Variants in KCNQ5 observed in about 807,000 individuals in gnomAD.
KCNQ5 encodes potassium voltage-gated channel subfamily Q member 5, also known as potassium voltage-gated channel subfamily KQT member 5.
In KCNQ5, 30 loss-of-function variants were observed where a neutral mutation model predicts 98.2. The observed-to-expected ratio is 0.31, with a 90% CI of 0.23 to 0.41. The LOEUF is 0.41. Ranked by LOEUF, KCNQ5 falls within the 10% of genes least tolerant of loss-of-function variation. KCNQ5 has a pLI of 1.00. For synonymous variants in KCNQ5, 458 were observed against 449.4 expected (o/e 1.02, Z -0.24); for missense variants, 835 against 1,182.5 (o/e 0.71, Z 4.31).
rs552722238 is a variant in KCNQ5 at position 72,878,057 on chromosome 6, G to A, written c.399-125851G>A. Among the ~76,000 whole-genome samples, 183 of 152,318 alleles carry A rather than the reference G, an allele frequency of 1.2e-3. 2 individuals are homozygous for A. Among genetic ancestry groups the A allele is most frequent in the African/African-American group, 3.7e-3 (153 of 41,584 alleles). The stretch of plus-strand genomic sequence containing the variant: ...AGGCCGAGGCAGGTGGATGACTTGA[G>A]GTCGGGAGTTCCAGACCAGCCTGAC... On this transcript the variant is annotated intron_variant, in intron 1 of 13. Coordinates refer to ENST00000370398, the MANE Select transcript of KCNQ5 (RefSeq NM_019842.4).
At chr6:73,100,889 G>A (rs892449671) in intron 5 of KCNQ5, among the ~76,000 whole-genome samples, 8 of 151,962 alleles carry the variant, frequency 5.3e-5, no homozygotes, top group African/African-American at 1.9e-4. Flanking sequence ...AAACCTAGAA[G>A]AAATGGATAA....
At chr6:72,898,515 T>C (rs764418609) in intron 1 of KCNQ5, among the ~76,000 whole-genome samples, 2 of 152,238 alleles carry the variant, frequency 1.3e-5, no homozygotes, top group Non-Finnish European at 2.9e-5. Flanking sequence ...TCATTCCTTT[T>C]TATGGCTGCA....
chr6:72,995,891 C>T (rs1769275920), intron 1 of KCNQ5, among the ~76,000 whole-genome samples: 1 of 152,194 alleles, frequency 6.6e-6, no homozygotes, highest in South Asian at 2.1e-4. Context: ...TGAATACTCC[C>T]ATTTCAAAGA....
At chr6:73,009,956 C>T (rs1430532691) in intron 2 of KCNQ5, among the ~76,000 whole-genome samples, 2 of 152,092 alleles carry the variant, frequency 1.3e-5, no homozygotes, top group African/African-American at 4.8e-5. Flanking sequence ...ATTTAAAGAA[C>T]TAATATCAAT....
intron 10 of KCNQ5, among the ~76,000 whole-genome samples, chr6:73,157,187 G>C (rs1341468365): frequency 6.6e-6 from 1 of 152,244 alleles, no homozygotes; most frequent in Non-Finnish European, 1.5e-5. Flanking sequence ...CCTCGAGCGG[G>C]AGCTACCGAA....
chr6:72,670,004 A>G (rs892831521), intron 1 of KCNQ5, among the ~76,000 whole-genome samples: 1 of 148,146 alleles, frequency 6.8e-6, no homozygotes, highest in Non-Finnish European at 1.5e-5. Flanking sequence ...TCTTCCATTC[A>G]TCTCTTTCCT....
intron 1 of KCNQ5, among the ~76,000 whole-genome samples, chr6:72,814,964 T>G (rs1562000942): frequency 6.6e-6 from 1 of 152,198 alleles, no homozygotes; most frequent in Non-Finnish European, 1.5e-5. Context: ...CATAGAATCT[T>G]ATCAGCTGAA....
chr6:73,075,869 C>T (rs1773516711), intron 3 of KCNQ5, among the ~76,000 whole-genome samples: 1 of 152,082 alleles, frequency 6.6e-6, no homozygotes, highest in Non-Finnish European at 1.5e-5. Flanking sequence ...CATAGCAATA[C>T]CCCATCTCTA....
chr6:72,777,529 C>T (rs927140023), intron 1 of KCNQ5, among the ~76,000 whole-genome samples: 4 of 152,106 alleles, frequency 2.6e-5, no homozygotes, highest in Non-Finnish European at 4.4e-5. Context: ...CCCCGAGCTA[C>T]GTTTACACAT....
At chr6:72,906,657 T>C (rs1049663681) in intron 1 of KCNQ5, among the ~76,000 whole-genome samples, 1 of 152,206 alleles carries the variant, frequency 6.6e-6, no homozygotes, top group African/African-American at 2.4e-5. Context: ...ACCTGCAAAC[T>C]AGGCCTTTAG....
chr6:72,646,046 T>C (rs1404212062), intron 1 of KCNQ5, among the ~76,000 whole-genome samples: 1 of 152,062 alleles, frequency 6.6e-6, no homozygotes, highest in Admixed American at 6.6e-5. Context: ...AAATGATGTA[T>C]AAGGCATGCC....
At chr6:72,623,893 G>A (rs1477544587) in intron 1 of KCNQ5, among the ~76,000 whole-genome samples, 2 of 152,116 alleles carry the variant, frequency 1.3e-5, no homozygotes, top group Non-Finnish European at 2.9e-5. Context: ...CACCAGAAAC[G>A]TGTTTTGAAA....
chr6:73,018,788 A>G, intron 2 of KCNQ5, among the ~76,000 whole-genome samples: 1 of 152,222 alleles, frequency 6.6e-6, no homozygotes, highest in East Asian at 1.9e-4. Flanking sequence ...GAAATTGTAC[A>G]TACAGTAATG....
At chr6:73,012,649 T>TA (rs1400172360) in intron 2 of KCNQ5, among the ~76,000 whole-genome samples, 1 of 151,862 alleles carries the variant, frequency 6.6e-6, no homozygotes, top group African/African-American at 2.4e-5. Flanking sequence ...TTTACCACAA[T>TA]AAAAAAATTG....
intron 7 of KCNQ5, among the ~76,000 whole-genome samples, chr6:73,116,631 G>C (rs1473352277): frequency 6.6e-6 from 1 of 152,128 alleles, no homozygotes; most frequent in Non-Finnish European, 1.5e-5. Context: ...AGCTATAATT[G>C]TACCACTGCA....
intron 1 of KCNQ5, among the ~76,000 whole-genome samples, chr6:72,754,206 A>G (rs1483824465): frequency 6.6e-6 from 1 of 152,048 alleles, no homozygotes; most frequent in Non-Finnish European, 1.5e-5. Flanking sequence ...TTCTATTCCA[A>G]GTTTGCTGAG....
At chr6:73,085,605 G>A (rs1424776531) in intron 5 of KCNQ5, among the ~76,000 whole-genome samples, 1 of 151,796 alleles carries the variant, frequency 6.6e-6, no homozygotes, top group South Asian at 2.1e-4. Flanking sequence ...AAGTGGGCAG[G>A]GTCTTTGCTC....
intron 2 of KCNQ5, among the ~76,000 whole-genome samples, chr6:73,026,909 C>T (rs967838928): frequency 6.6e-5 from 10 of 152,008 alleles, no homozygotes; most frequent in African/African-American, 2.4e-4. Context: ...CCATAAATGG[C>T]AGACCCCTCC....
In KCNQ5 at chr6:73,122,486, T is replaced by C. The variant is rs1449368333; in HGVS notation, c.1220+1909T>C. The stretch of plus-strand genomic sequence containing the variant: ...GTGGAGGAGGATTTATGCAAACACC[T>C]GTGTTCCTCATGTCCTACTGTGCCT... On this transcript the variant is annotated intron_variant, in intron 8 of 13. Coordinates refer to ENST00000370398, the MANE Select transcript of KCNQ5 (RefSeq NM_019842.4). Among the ~76,000 whole-genome samples, 3 of 152,188 alleles carry C rather than the reference T, an allele frequency of 2.0e-5. No homozygotes were observed. The East Asian group carries it at 5.8e-4, about 29-fold the overall frequency.
Sources: gnomAD v4.1 joint callset for allele counts (sites outside exome capture counted in the v4.1 genomes callset) on GRCh38, gnomAD v4.1.1 for gene constraint, MANE v1.5 for transcripts, NCBI Gene and HGNC (gene_info 2026-07-23, HGNC 2026-07-21) for gene names.